PRLR: variants seen among roughly 807,000 people sequenced by gnomAD.
PRLR encodes prolactin receptor.
A neutral mutation model predicts 40.2 loss-of-function variants in PRLR; 13 were observed. The ratio of observed to expected loss-of-function variants is 0.32; its 90% CI spans 0.21 to 0.51. PRLR has a LOEUF of 0.51. Among genes scored for constraint, PRLR ranks in the 20% least tolerant of loss-of-function variants. PRLR has a pLI of 0.97. For synonymous variants in PRLR, 269 were observed against 278.7 expected, an observed-to-expected ratio of 0.97 and a Z score of 0.35; for missense variants, 656 against 747.3, an observed-to-expected ratio of 0.88 and a Z score of 1.42.
chr5:35,187,028 G>A (rs112445437), intron 1 of PRLR, among the ~76,000 whole-genome samples: 2 of 152,050 alleles, frequency 1.3e-5, no homozygotes, highest in African/African-American at 4.8e-5. Context: ...GCAAAGTTCT[G>A]GCCCCTCTAT....
intron 1 of PRLR, among the ~76,000 whole-genome samples, chr5:35,140,347 G>GTT (rs1773982591): frequency 6.6e-6 from 1 of 152,178 alleles, no homozygotes; most frequent in Non-Finnish European, 1.5e-5. Flanking sequence ...TTGAGTAGCT[G>GTT]TAAGAGATTT....
At chr5:35,213,564 G>T (rs2111648886) in intron 1 of PRLR, among the ~76,000 whole-genome samples, 1 of 152,152 alleles carries the variant, frequency 6.6e-6, no homozygotes, top group African/African-American at 2.4e-5. Flanking sequence ...GCTCACAAAT[G>T]AACGTTTCCT....
rs1480506062 is a variant in PRLR, at chr5:35,127,300, T to C, written c.-105-9178A>G. ...ATGCCATTAAGAAAACTCCAGTCAT[T>C]CAAATGTTATTTTATTAGAAGGGAG... is the stretch of plus-strand genomic sequence containing the variant. On this transcript the variant is annotated intron_variant, in intron 1 of 9. Transcript: ENST00000618457. Among the ~76,000 whole-genome samples, 3 of 152,190 alleles carry C rather than the reference T, an allele frequency of 2.0e-5. No individual in the cohort carries two copies. The East Asian group carries it at 5.8e-4, about 29-fold the overall frequency.
intron 1 of PRLR, among the ~76,000 whole-genome samples, chr5:35,217,383 T>C (rs1015347550): frequency 6.6e-6 from 1 of 152,238 alleles, no homozygotes; most frequent in Admixed American, 6.5e-5. Flanking sequence ...TGTGTGCATC[T>C]TGTGTGATTT....
At position 35,132,745 on chromosome 5, in the gene PRLR, A is replaced by G. The variant is rs1773726880; in HGVS notation, c.-105-14623T>C. 2.6e-5 allele frequency among the ~76,000 whole-genome samples: 4 copies of G among 152,318 alleles called. No individual in the cohort carries two copies. The South Asian group carries it at 8.3e-4, about 32-fold the overall frequency. On this transcript the variant is annotated intron_variant, in intron 1 of 9. Transcript: ENST00000618457. ...AAATATCATAGGACATTCGTATGCAATGAGGGACTTTGGGGATTATCCAGC... is the reference window on the plus strand; with the variant it reads ...AAATATCATAGGACATTCGTATGCAGTGAGGGACTTTGGGGATTATCCAGC...
At position 35,198,566 on chromosome 5, in the gene PRLR, C is replaced by T. The variant is rs1161566823; in HGVS notation, c.-106+31702G>A. 3.9e-5 allele frequency among the ~76,000 whole-genome samples: 6 copies of T among 152,318 alleles called. No individual in the cohort carries two copies. The East Asian group carries it at 5.8e-4, about 15-fold the overall frequency. On this transcript the variant is annotated intron_variant, in intron 1 of 9. Transcript: ENST00000618457. ...TCTGAAATCTTGACCTTAGTTTCTT[C>T]GCTCTGCTATTTAGCAAACCGGACA... is the stretch of plus-strand genomic sequence containing the variant.
intron 1 of PRLR, among the ~76,000 whole-genome samples, chr5:35,153,757 C>A (rs933608665): frequency 6.7e-6 from 1 of 149,430 alleles, no homozygotes; most frequent in African/African-American, 2.5e-5. Context: ...ACTACACACA[C>A]TACACACACA....
intron 5 of PRLR, among the ~76,000 whole-genome samples, chr5:35,074,159 T>C (rs1203653543): frequency 6.6e-6 from 1 of 152,080 alleles, no homozygotes; most frequent in African/African-American, 2.4e-5. Flanking sequence ...AGTTGATGAA[T>C]GGATAAAAAA....
At chr5:35,152,098 G>A (rs1167005661) in intron 1 of PRLR, among the ~76,000 whole-genome samples, 1 of 152,178 alleles carries the variant, frequency 6.6e-6, no homozygotes, top group African/African-American at 2.4e-5. Flanking sequence ...TAATATCTTA[G>A]TGGTATCAAC....
intron 2 of PRLR, among the ~76,000 whole-genome samples, chr5:35,106,930 T>C (rs947792106): frequency 7.2e-5 from 11 of 152,210 alleles, no homozygotes; most frequent in Admixed American, 3.3e-4. Context: ...TACATTCTTC[T>C]CAGCACCACA....
In PRLR at chr5:35,065,067, A is replaced by C. The variant is rs1579558606; in HGVS notation, c.*22T>G. 3 of 1,592,396 alleles carry C rather than the reference A, an allele frequency of 1.9e-6. No homozygotes were observed. The African/African-American group carries it at 4.0e-5, about 21-fold the overall frequency. The stretch of plus-strand genomic sequence containing the variant: ...CCTGAAGAAAAATCACATTTTAACC[A>C]ATCATTCCATTAGTCAAGCTATCAG... On this transcript the variant is annotated 3_prime_UTR_variant, in exon 10 of 10. Transcript: ENST00000618457.
At chr5:35,121,276 T>C (rs1167171654) in intron 1 of PRLR, among the ~76,000 whole-genome samples, 2 of 152,200 alleles carry the variant, frequency 1.3e-5, no homozygotes, top group Non-Finnish European at 2.9e-5. Flanking sequence ...AGTTGGATGA[T>C]GTGGGAGGTA....
intron 1 of PRLR, among the ~76,000 whole-genome samples, chr5:35,196,988 C>A (rs906554166): frequency 6.6e-6 from 1 of 152,144 alleles, no homozygotes; most frequent in Non-Finnish European, 1.5e-5. Context: ...GCGCACTAAT[C>A]TCATTCATGA....
chr5:35,097,580 C>T (rs249535), intron 2 of PRLR, among the ~76,000 whole-genome samples: 8,077 of 152,064 alleles, frequency 0.053, 505 homozygotes, highest in East Asian at 0.17. Context: ...TCCAGAAGTA[C>T]AAAATCCATG....
downstream of PRLR, among the ~76,000 whole-genome samples, chr5:35,052,990 T>A (rs1193183404): frequency 6.6e-6 from 1 of 152,220 alleles, no homozygotes; most frequent in Non-Finnish European, 1.5e-5. Flanking sequence ...TTGTATGCCT[T>A]TTCTCCTATT....
At chr5:35,081,131 G>A (rs1429231856) in intron 5 of PRLR, 1 of 152,458 alleles carries the variant, frequency 6.6e-6, no homozygotes, top group East Asian at 1.9e-4. Context: ...CATGGCACAT[G>A]TATACATATG....
In PRLR at chr5:35,061,373, A is replaced by C. The variant is rs1454099698; in HGVS notation, c.*3716T>G. 1 of 152,186 alleles carries C rather than the reference A, an allele frequency of 6.6e-6. No homozygotes were observed. Among genetic ancestry groups the C allele is most frequent in the East Asian group, 1.9e-4 (1 of 5,198 alleles). 9.4% of individuals were successfully genotyped at this position (152,186 alleles called of 1,614,324 possible). On this transcript the variant is annotated 3_prime_UTR_variant, in exon 10 of 10. Transcript: ENST00000618457. ...AGAGTTTCCCCAGAGCTAAACTGCA[A>C]CTTGGAATGCAGGGACCTCTGGTTG...
chr5:35,195,373 A>G (rs964825676), intron 1 of PRLR: 4 of 152,290 alleles, frequency 2.6e-5, no homozygotes, highest in African/African-American at 9.6e-5. Flanking sequence ...TTTTAAGTTA[A>G]TACGCTGTCT....
At chr5:35,180,563 A>C (rs1213511369) in intron 1 of PRLR, among the ~76,000 whole-genome samples, 3 of 151,934 alleles carry the variant, frequency 2.0e-5, no homozygotes, top group Non-Finnish European at 2.9e-5. Context: ...GAGCCAATTA[A>C]ACCTCTTTTC....
Sources: gnomAD v4.1 joint callset for allele counts (sites outside exome capture counted in the v4.1 genomes callset) on GRCh38, gnomAD v4.1.1 for gene constraint, MANE v1.5 for transcripts, NCBI Gene and HGNC (gene_info 2026-07-23, HGNC 2026-07-21) for gene names.